Variants in TBL1X observed in about 807,000 individuals in gnomAD.
TBL1X encodes the protein F-box-like/WD repeat-containing protein TBL1X.
A neutral mutation model predicts 50.7 loss-of-function variants in TBL1X; 10 were observed. The observed-to-expected ratio is 0.20, with a 90% CI of 0.12 to 0.33. The LOEUF (loss-of-function observed/expected upper bound fraction) is 0.33, where lower values mean the gene tolerates loss of function less well. TBL1X is among the 10% of genes least tolerant of loss of function. The pLI is 1.00. For missense variants in TBL1X, 340 were observed against 504.4 expected, an observed-to-expected ratio of 0.67 and a Z score of 3.12; for synonymous variants, 190 against 214.7, an observed-to-expected ratio of 0.88 and a Z score of 1.01.
chrX:9,642,789 G>A (rs2082782824), intron 3 of TBL1X, among the ~76,000 whole-genome samples: 1 of 112,811 alleles, frequency 8.9e-6, no homozygotes, highest in African/African-American at 3.2e-5. Flanking sequence ...ATTGCAGTGT[G>A]AAAGCAGTGT....
At chrX:9,476,524 C>T (rs1228601815) in intron 1 of TBL1X, among the ~76,000 whole-genome samples, 1 of 112,242 alleles carries the variant, frequency 8.9e-6, no homozygotes, top group Non-Finnish European at 1.9e-5. Flanking sequence ...GTCGGCTGAC[C>T]TCTGAAGCCT....
In TBL1X at chrX:9,705,564, G is replaced by A. The variant is rs2083201559; in HGVS notation, c.1236+450G>A. On this transcript the variant is annotated intron_variant, in intron 13 of 17. Coordinates refer to ENST00000645353, the MANE Select transcript of TBL1X (RefSeq NM_005647.4). Reference sequence around the variant, plus strand: ...GAGGCCAGGAGTTTGAGGCCAGCCTGAGCAACATAGCAAGACTCTGTCTCT... The same window carrying A: ...GAGGCCAGGAGTTTGAGGCCAGCCTAAGCAACATAGCAAGACTCTGTCTCT... 2.7e-5 allele frequency among the ~76,000 whole-genome samples: 3 copies of A among 110,215 alleles called. No homozygotes were observed. The South Asian group carries it at 1.2e-3, about 43-fold the overall frequency.
At chrX:9,479,938 A>ATATGTGTGTGTGTGTGTGTG (rs1555956772) in intron 1 of TBL1X, among the ~76,000 whole-genome samples, 12 of 94,988 alleles carry the variant, frequency 1.3e-4, no homozygotes, top group Admixed American at 8.1e-4. Context: ...GGAAAGTAGA[A>ATATGTGTGTGTGTGTGTGTG]TGTGTGTGTG....
intron 1 of TBL1X, among the ~76,000 whole-genome samples, chrX:9,477,594 A>G (rs763208360): frequency 3.6e-5 from 4 of 112,270 alleles, no homozygotes; most frequent in South Asian, 3.7e-4. Context: ...CCAAGACGTC[A>G]GCTTTAAGAG....
chrX:9,680,190 G>A (rs938062982), intron 5 of TBL1X, among the ~76,000 whole-genome samples: 5 of 111,435 alleles, frequency 4.5e-5, no homozygotes, highest in African/African-American at 6.5e-5. Context: ...CCTTAATACC[G>A]TCACTTTGGG....
At chrX:9,503,243 A>T (rs2521382) in intron 2 of TBL1X, among the ~76,000 whole-genome samples, 5 of 110,606 alleles carry the variant, frequency 4.5e-5, no homozygotes, top group Non-Finnish European at 9.5e-5. Flanking sequence ...ATAAGGCAGG[A>T]GGTGAGTGAG....
At chrX:9,618,281 G>A (rs1045289332) in intron 2 of TBL1X, among the ~76,000 whole-genome samples, 1 of 111,809 alleles carries the variant, frequency 8.9e-6, no homozygotes, top group Non-Finnish European at 1.9e-5. Flanking sequence ...GAATCAAGAA[G>A]GCTTGACTTC....
At chrX:9,625,224 G>T (rs531718568) in intron 2 of TBL1X, among the ~76,000 whole-genome samples, 1 of 112,407 alleles carries the variant, frequency 8.9e-6, no homozygotes, top group East Asian at 2.8e-4. Flanking sequence ...TGCTTTTAAG[G>T]TCTGAGAATA....
At chrX:9,713,711 A>G (rs1332150342) in intron 16 of TBL1X, among the ~76,000 whole-genome samples, 1 of 109,216 alleles carries the variant, frequency 9.2e-6, no homozygotes, top group African/African-American at 3.3e-5. Flanking sequence ...TACAGGCATG[A>G]GCCACCGCGC....
At position 9,691,961 on chromosome X, in the gene TBL1X, A is replaced by C. The variant is rs1601843001; in HGVS notation, c.750-152A>C. On this transcript the variant is annotated intron_variant, in intron 8 of 17. Transcript: ENST00000645353. ...CAGCAGCACTTAAATTACCAAATGC[A>C]AAGATGGCAAAGAGGGAAACAGGGA... The C allele has an allele frequency of 1.3e-5, 13 of 993,666 alleles. No homozygotes were observed. The East Asian group carries it at 4.0e-4, about 30-fold the overall frequency. 81.9% of individuals were successfully genotyped at this position (993,666 alleles called of 1,213,427 possible).
chrX:9,693,132 CTCTT>C lies in TBL1X; in HGVS notation c.892-13_892-10del. On this transcript the variant is annotated splice_polypyrimidine_tract_variant and intron_variant, in intron 9 of 17. Coordinates refer to ENST00000645353, the MANE Select transcript of TBL1X (RefSeq NM_005647.4). Reference sequence around the variant, plus strand: ...CTAAGTTGTTTTTGTGGGGTTTTGTCTCTTTCTGGCCCTCAGACCAATGGAACAC... The same window carrying C: ...CTAAGTTGTTTTTGTGGGGTTTTGTCTCTGGCCCTCAGACCAATGGAACAC... The C allele has an allele frequency of 8.3e-7, 1 of 1,211,183 alleles. No homozygotes were observed. The highest frequency in any genetic ancestry group is 1.1e-6 in the Non-Finnish European group (1 of 895,272).
chrX:9,630,999 A>AAT (rs111898957), intron 2 of TBL1X, among the ~76,000 whole-genome samples: 59 of 109,164 alleles, frequency 5.4e-4, no homozygotes, highest in South Asian at 2.2e-3. Context: ...ATATATGGAT[A>AAT]ATATATATAT....
intron 3 of TBL1X, among the ~76,000 whole-genome samples, chrX:9,641,009 A>G (rs1440885725): frequency 8.9e-6 from 1 of 112,166 alleles, no homozygotes; most frequent in Non-Finnish European, 1.9e-5. Context: ...GACACCTTCT[A>G]AAATCAACCT....
intron 2 of TBL1X, among the ~76,000 whole-genome samples, chrX:9,595,823 C>T (rs981202215): frequency 1.8e-5 from 2 of 112,422 alleles, no homozygotes; most frequent in Admixed American, 9.4e-5. Flanking sequence ...TCTTACACAT[C>T]TGAATGGGTG....
At chrX:9,570,670 TTC>T (rs2082380451) in intron 2 of TBL1X, among the ~76,000 whole-genome samples, 1 of 87,658 alleles carries the variant, frequency 1.1e-5, no homozygotes, top group South Asian at 6.5e-4. Context: ...GATTTTTTTT[TTC>T]TTTTTGTTTT....
intron 5 of TBL1X, among the ~76,000 whole-genome samples, chrX:9,654,597 G>A (rs987842155): frequency 4.5e-5 from 5 of 111,374 alleles, no homozygotes; most frequent in African/African-American, 9.8e-5. Flanking sequence ...GAAGCAGTGC[G>A]GGGCTCTTGG....
At chrX:9,537,985 G>A (rs891178925) in intron 2 of TBL1X, among the ~76,000 whole-genome samples, 1 of 111,423 alleles carries the variant, frequency 9.0e-6, no homozygotes, top group African/African-American at 3.3e-5. Flanking sequence ...ATGGTGTGGC[G>A]GGAAGTGAGG....
intron 1 of TBL1X, among the ~76,000 whole-genome samples, chrX:9,489,195 C>T (rs1235363427): frequency 9.1e-6 from 1 of 109,793 alleles, no homozygotes; most frequent in Admixed American, 9.8e-5. Flanking sequence ...AATGAGACCA[C>T]CATGAAGCAA....
intron 7 of TBL1X, among the ~76,000 whole-genome samples, chrX:9,689,113 C>T (rs958375962): frequency 2.6e-5 from 3 of 113,363 alleles, no homozygotes; most frequent in South Asian, 7.0e-4. Context: ...TGTGTGCGCA[C>T]GCACGCACAC....
Sources: gnomAD v4.1 joint callset for allele counts (sites outside exome capture counted in the v4.1 genomes callset) on GRCh38, gnomAD v4.1.1 for gene constraint, MANE v1.5 for transcripts, NCBI Gene and HGNC (gene_info 2026-07-23, HGNC 2026-07-21) for gene names.